Variants in ERC1 observed in about 807,000 individuals in gnomAD.
The protein encoded by ERC1 is ELKS/RAB6-interacting/CAST family member 1, also known as RAB6 interacting protein 2.
In ERC1, 56 loss-of-function variants were observed where a neutral mutation model predicts 132.0. That is an observed-to-expected ratio of 0.42 (90% CI 0.34 to 0.53). ERC1 has a LOEUF of 0.53. Ranked by LOEUF, ERC1 falls within the 20% of genes least tolerant of loss-of-function variation. The pLI, the probability that ERC1 is intolerant of heterozygous loss-of-function variation, is 0.03. For missense variants in ERC1, 1,202 were observed against 1,349.9 expected (o/e 0.89, Z 1.72); for synonymous variants, 478 against 476.1 (o/e 1.00, Z -0.05).
chr12:1,083,547 G>A lies in ERC1; in HGVS notation c.1053G>A (p.Glu351=), dbSNP rs1294527286. The change falls in exon 3 of 19, where the codon GAG becomes GAA. Residue 351 remains glutamate, a synonymous_variant. Coordinates refer to ENST00000360905, the MANE Select transcript of ERC1 (RefSeq NM_178040.4). ...MHVHHLESLL[E]QKEKENSMLR... ...TTCATCACCTAGAAAGCCTTTTGGA[G>A]CAGAAGGAAAAAGAGAACAGTATGT... is the stretch of plus-strand genomic sequence containing the variant. The A allele has an allele frequency of 3.7e-6, 6 of 1,606,130 alleles. No homozygotes were observed. The highest frequency in any genetic ancestry group is 3.5e-5 in the Admixed American group (2 of 57,478).
chr12:1,375,308 T>C (rs751213524), intron 16 of ERC1, among the ~76,000 whole-genome samples: 1 of 152,158 alleles, frequency 6.6e-6, no homozygotes, highest in Non-Finnish European at 1.5e-5. Context: ...CACACACTTT[T>C]CAACCATCAG....
chr12:1,157,496 CATT>C (rs1951514368), intron 8 of ERC1, among the ~76,000 whole-genome samples: 1 of 152,164 alleles, frequency 6.6e-6, no homozygotes. Flanking sequence ...GGCCAGTTGT[CATT>C]ATAGTATTTG....
At chr12:1,149,131 A>G (rs1415977685) in intron 8 of ERC1, among the ~76,000 whole-genome samples, 1 of 152,200 alleles carries the variant, frequency 6.6e-6, no homozygotes, top group Non-Finnish European at 1.5e-5. Flanking sequence ...AAAGTTCTCA[A>G]GGGATCTATG....
chr12:1,411,670 G>C (rs1464757551), intron 17 of ERC1, among the ~76,000 whole-genome samples: 1 of 152,192 alleles, frequency 6.6e-6, no homozygotes, highest in Non-Finnish European at 1.5e-5. Context: ...CATCAAGCAT[G>C]TGAGACCGTG....
At chr12:1,384,969 A>G (rs1170771144) in intron 16 of ERC1, among the ~76,000 whole-genome samples, 2 of 152,218 alleles carry the variant, frequency 1.3e-5, no homozygotes, top group South Asian at 4.1e-4. Context: ...AAGCTGATTC[A>G]TTAGAAATAT....
At chr12:1,456,462 A>G (rs1444789244) in intron 18 of ERC1, among the ~76,000 whole-genome samples, 1 of 151,996 alleles carries the variant, frequency 6.6e-6, no homozygotes, top group Non-Finnish European at 1.5e-5. Context: ...CCTAGCTGCA[A>G]TCTTGTCAAG....
At chr12:1,335,399 T>A (rs1222479311) in intron 15 of ERC1, among the ~76,000 whole-genome samples, 1 of 152,224 alleles carries the variant, frequency 6.6e-6, no homozygotes, top group Non-Finnish European at 1.5e-5. Context: ...TTGAGGTATG[T>A]TCCTTCAATA....
intron 14 of ERC1, among the ~76,000 whole-genome samples, chr12:1,275,990 A>G (rs972330907): frequency 3.9e-5 from 6 of 152,212 alleles, no homozygotes; most frequent in African/African-American, 1.4e-4. Context: ...GTTGTTAAAC[A>G]ACAGATTCTC....
chr12:1,423,322 T>A (rs533454039), intron 17 of ERC1, among the ~76,000 whole-genome samples: 14 of 152,384 alleles, frequency 9.2e-5, no homozygotes, highest in African/African-American at 3.4e-4. Flanking sequence ...CCACCACTTA[T>A]GGCCTAAGGC....
At chr12:1,360,481 C>T (rs1164472749) in intron 15 of ERC1, among the ~76,000 whole-genome samples, 1 of 152,038 alleles carries the variant, frequency 6.6e-6, no homozygotes, top group Non-Finnish European at 1.5e-5. Context: ...TGCAGGATGC[C>T]CCTAAAAATA....
At chr12:1,476,213 G>C (rs111532015) in intron 18 of ERC1, among the ~76,000 whole-genome samples, 2,577 of 150,782 alleles carry the variant, frequency 0.017, 79 homozygotes, top group African/African-American at 0.059. Flanking sequence ...CTGAGATCAC[G>C]CCACTACACT....
At chr12:1,421,960 A>G (rs1429759393) in intron 17 of ERC1, among the ~76,000 whole-genome samples, 2 of 152,210 alleles carry the variant, frequency 1.3e-5, no homozygotes, top group Non-Finnish European at 2.9e-5. Context: ...AGGGAGGCAG[A>G]GGTTGTAGTA....
In ERC1 at chr12:1,493,433, C is replaced by G. The variant is rs2094333472; in HGVS notation, c.*3203C>G. 6.2e-6 allele frequency: 1 copy of G among 162,574 alleles called. No homozygotes were observed. The highest frequency in any genetic ancestry group is 2.1e-4 in the South Asian group (1 of 4,860). The allele number at this position is 162,574 out of a possible 1,614,324, so 10.1% of individuals were successfully genotyped here. On this transcript the variant is annotated 3_prime_UTR_variant, in exon 19 of 19. Coordinates refer to ENST00000360905, the MANE Select transcript of ERC1 (RefSeq NM_178040.4). The stretch of plus-strand genomic sequence containing the variant: ...TGGCGTACGCCTGTAATCCCAGCTA[C>G]TCAGGAGGCAGGAGAATCGCTTGAG...
chr12:1,015,987 G>T (rs902032533), intron 1 of ERC1, among the ~76,000 whole-genome samples: 1 of 150,808 alleles, frequency 6.6e-6, no homozygotes, highest in Non-Finnish European at 1.5e-5. Context: ...CTAATGGGTG[G>T]TATATTACAT....
At chr12:1,368,250 T>C (rs2086851375) in intron 15 of ERC1, among the ~76,000 whole-genome samples, 1 of 152,124 alleles carries the variant, frequency 6.6e-6, no homozygotes. Context: ...AGTATTAGAA[T>C]AGGTGATCTC....
At chr12:1,158,707 C>A (rs1398722826) in intron 8 of ERC1, among the ~76,000 whole-genome samples, 1 of 151,768 alleles carries the variant, frequency 6.6e-6, no homozygotes, top group African/African-American at 2.4e-5. Context: ...CCTGCCTTGG[C>A]CTCCCAATGT....
chr12:1,077,842 C>A (rs1181734391), intron 2 of ERC1, among the ~76,000 whole-genome samples: 1 of 152,122 alleles, frequency 6.6e-6, no homozygotes, highest in African/African-American at 2.4e-5. Flanking sequence ...CTGCTTTTTT[C>A]CTTCTTCTAA....
chr12:1,122,515 G>A lies in ERC1; in HGVS notation c.1569+6482G>A, dbSNP rs368680187. ...TCTATCTCTATCTCTATCTCTATCT[G>A]TGTCTCTATCTCTATCTCTATCTCT... On this transcript the variant is annotated intron_variant, in intron 7 of 18. Coordinates refer to ENST00000360905, the MANE Select transcript of ERC1 (RefSeq NM_178040.4). 1.0e-4 allele frequency among the ~76,000 whole-genome samples: 4 copies of A among 38,190 alleles called. 2 individuals carry two copies. The allele number at this position is 38,190 out of a possible 152,430, so 25.1% of individuals were successfully genotyped here.
At chr12:1,092,462 GTCA>G (rs1401224786) in intron 3 of ERC1, among the ~76,000 whole-genome samples, 1 of 152,142 alleles carries the variant, frequency 6.6e-6, no homozygotes, top group Non-Finnish European at 1.5e-5. Context: ...CATTCATTTT[GTCA>G]TCATTTCAGC....
Sources: allele counts gnomAD v4.1 joint callset (sites outside exome capture counted in the v4.1 genomes callset), GRCh38; gene constraint gnomAD v4.1.1; transcripts MANE v1.5; gene names NCBI Gene and HGNC (gene_info 2026-07-23, HGNC 2026-07-21).